Variants in ARFGEF2 observed in about 807,000 individuals in gnomAD.
The protein encoded by ARFGEF2 is brefeldin A-inhibited guanine nucleotide-exchange protein 2.
ARFGEF2 carries 74 observed loss-of-function variants against 219.9 expected under a neutral mutation model. The ratio of observed to expected loss-of-function variants is 0.34; its 90% CI spans 0.28 to 0.41. The LOEUF (loss-of-function observed/expected upper bound fraction) is 0.41. ARFGEF2 is among the 10% of genes least tolerant of loss of function. The probability of loss-of-function intolerance (pLI) is 1.00; values close to 1 mark genes in which losing one functional copy is unlikely to be tolerated. For missense variants in ARFGEF2, 1,743 were observed against 2,218.3 expected (o/e 0.79, Z 4.30); for synonymous variants, 733 against 799.2 (o/e 0.92, Z 1.40).
chr20:49,012,041 GGC>G lies in ARFGEF2; in HGVS notation c.3876_3877del (p.Leu1293HisfsTer10). 2 of 1,614,152 alleles carry G rather than the reference GGC, an allele frequency of 1.2e-6. No individual in the cohort carries two copies. Among genetic ancestry groups the G allele is most frequent in the Non-Finnish European group, 1.7e-6 (2 of 1,179,988 alleles). The stretch of plus-strand genomic sequence containing the variant: ...CCTGACACGAGCATGGAAGCGATTC[GGC>G]TCATCCGCTTCTGTGGCAAATACGT... On this transcript the variant is annotated frameshift_variant, in exon 28 of 39. Transcript: ENST00000371917. LOFTEE classifies it high-confidence loss of function.
intron 14 of ARFGEF2, among the ~76,000 whole-genome samples, chr20:48,983,078 G>A (rs376669475): frequency 2.0e-4 from 30 of 152,302 alleles, no homozygotes; most frequent in Admixed American, 1.4e-3. Flanking sequence ...CTTCTGCGTC[G>A]ATCACACTGG....
intron 31 of ARFGEF2, among the ~76,000 whole-genome samples, chr20:49,016,829 T>C (rs1462205135): frequency 6.6e-6 from 1 of 152,176 alleles, no homozygotes; most frequent in African/African-American, 2.4e-5. Context: ...TAATTTTGGC[T>C]TAGGGCAAGA....
intron 26 of ARFGEF2, among the ~76,000 whole-genome samples, chr20:49,006,957 G>A (rs2091464744): frequency 6.6e-6 from 1 of 151,908 alleles, no homozygotes; most frequent in Non-Finnish European, 1.5e-5. Context: ...TGGGATTACA[G>A]GCACGAGCTA....
intron 12 of ARFGEF2, among the ~76,000 whole-genome samples, chr20:48,974,311 C>T (rs2123424032): frequency 6.6e-6 from 1 of 151,858 alleles, no homozygotes; most frequent in East Asian, 1.9e-4. Context: ...GGGGTTTCAC[C>T]ATATTGTCCA....
rs1371839571 is a variant in ARFGEF2 at position 49,033,345 on chromosome 20, TC to T, written c.*148del. 1 of 822,410 alleles carries T rather than the reference TC, an allele frequency of 1.2e-6. No individual in the cohort carries two copies. Among genetic ancestry groups the T allele is most frequent in the Non-Finnish European group, 2.0e-6 (1 of 510,950 alleles). The allele number at this position is 822,410 out of a possible 1,614,324, so 50.9% of individuals were successfully genotyped here. A position where few individuals can be genotyped will look rare whatever the true frequency, so the allele number is the denominator to read the frequency against. ...TGGAAACGGATGGCCTCTACGCTGTTCCATCACAGTCTCCAACTAAGGCTTA... is the reference window on the plus strand; with the variant it reads ...TGGAAACGGATGGCCTCTACGCTGTTCATCACAGTCTCCAACTAAGGCTTA... On this transcript the variant is annotated 3_prime_UTR_variant, in exon 39 of 39. Coordinates refer to ENST00000371917, the MANE Select transcript of ARFGEF2 (RefSeq NM_006420.3).
intron 16 of ARFGEF2, among the ~76,000 whole-genome samples, chr20:48,987,949 A>G (rs776300473): frequency 7.2e-5 from 11 of 152,004 alleles, no homozygotes; most frequent in Non-Finnish European, 1.6e-4. Flanking sequence ...TGCCACGCCC[A>G]GCTAATTTTT....
At position 48,969,230 on chromosome 20, in the gene ARFGEF2, G is replaced by A. The variant is rs201608219; in HGVS notation, c.1143G>A (p.Leu381=). 4.3e-5 allele frequency: 70 copies of A among 1,614,086 alleles called. No homozygotes were observed. Among genetic ancestry groups the A allele is most frequent in the Non-Finnish European group, 5.1e-5 (60 of 1,180,040 alleles). Residue 381 remains leucine, a synonymous_variant, in exon 9 of 39, where the codon CTG becomes CTA. Coordinates refer to ENST00000371917, the MANE Select transcript of ARFGEF2 (RefSeq NM_006420.3). ...ATGCCTTCCTTGTGTTCCGCTCCCT[G>A]TGCAAGCTGTCCATGAAACCCCTTG... The part of the protein sequence containing the change: ...QKDAFLVFRS[L]CKLSMKPLGE...
Position 49,005,070 on chromosome 20 carries a change from G to A in ARFGEF2, c.3433G>A (p.Val1145Ile). 1 of 1,614,054 alleles carries A rather than the reference G, an allele frequency of 6.2e-7. No individual in the cohort carries two copies. The highest frequency in any genetic ancestry group is 1.1e-5 in the South Asian group (1 of 91,074). Residue 1145 changes from valine to isoleucine, a missense_variant and splice_region_variant, in exon 26 of 39, where the codon GTT (valine) becomes ATT (isoleucine). By Grantham distance (29) the Val-to-Ile change is conservative. Coordinates refer to ENST00000371917, the MANE Select transcript of ARFGEF2 (RefSeq NM_006420.3). ...CACATCAGTTCCTGTTCTTGTTCAG[G>A]TTGGCTGCAACCCTAATGAAGATGT... is the stretch of plus-strand genomic sequence containing the variant. ...WHVIGDHFNKVGCNPNEDVAI... is the reference protein window; with the variant it reads ...WHVIGDHFNKIGCNPNEDVAI...
intron 23 of ARFGEF2, among the ~76,000 whole-genome samples, chr20:48,996,345 C>T (rs895646142): frequency 2.0e-5 from 3 of 151,892 alleles, no homozygotes; most frequent in Non-Finnish European, 4.4e-5. Context: ...GTCCCAGCTA[C>T]TCTGGAGGCT....
At chr20:48,977,685 G>T (rs1272639290) in intron 14 of ARFGEF2, among the ~76,000 whole-genome samples, 1 of 152,156 alleles carries the variant, frequency 6.6e-6, no homozygotes, top group African/African-American at 2.4e-5. Context: ...GGTGTGAGAT[G>T]GTATCGCATT....
At chr20:48,922,222 A>G (rs1394553853) in intron 1 of ARFGEF2, among the ~76,000 whole-genome samples, 3 of 152,238 alleles carry the variant, frequency 2.0e-5, no homozygotes, top group Non-Finnish European at 4.4e-5. Context: ...GGTGACAACC[A>G]GAGCTTGTTC....
At chr20:48,974,313 T>A (rs1411326195) in intron 12 of ARFGEF2, among the ~76,000 whole-genome samples, 1 of 152,060 alleles carries the variant, frequency 6.6e-6, no homozygotes, top group East Asian at 1.9e-4. Context: ...GGTTTCACCA[T>A]ATTGTCCAGG....
chr20:48,986,704 A>G (rs1569750), intron 16 of ARFGEF2, among the ~76,000 whole-genome samples: 49,112 of 151,806 alleles, frequency 0.32, 8,399 homozygotes, highest in African/African-American at 0.45. Context: ...TGTTCAGTGG[A>G]AACTATTTTT....
In ARFGEF2 at chr20:49,010,223, T is replaced by G; in HGVS notation, c.3585-9T>G. ...TACAGACGATATGGCCGTCCCATTC[T>G]TTCCTCAGGTCTCCCACCATCCGGG... On this transcript the variant is annotated splice_polypyrimidine_tract_variant and intron_variant, in intron 26 of 38. Coordinates refer to ENST00000371917, the MANE Select transcript of ARFGEF2 (RefSeq NM_006420.3). 1 of 1,611,882 alleles carries G rather than the reference T, an allele frequency of 6.2e-7. No homozygotes were observed. The highest frequency in any genetic ancestry group is 1.1e-5 in the South Asian group (1 of 91,032).
At chr20:48,938,570 C>A (rs916550141) in intron 1 of ARFGEF2, among the ~76,000 whole-genome samples, 1 of 152,098 alleles carries the variant, frequency 6.6e-6, no homozygotes. Flanking sequence ...ATATTAGGAA[C>A]ATTTGAATTA....
intron 12 of ARFGEF2, among the ~76,000 whole-genome samples, chr20:48,973,584 C>T (rs2091241900): frequency 6.6e-6 from 1 of 152,056 alleles, no homozygotes; most frequent in Non-Finnish European, 1.5e-5. Context: ...GAGCTGAGAC[C>T]CATAGGAAGC....
intron 5 of ARFGEF2, 38 bp from the exon 6 acceptor site, chr20:48,953,518 T>A (rs769659873): frequency 6.3e-7 from 1 of 1,596,550 alleles, no homozygotes; most frequent in South Asian, 1.1e-5. Flanking sequence ...TTTTTCTTCC[T>A]TACCAAAATG....
rs149533122 is a variant in ARFGEF2 at position 49,006,023 on chromosome 20, C to T, written c.3584+802C>T. On this transcript the variant is annotated intron_variant, in intron 26 of 38. Transcript: ENST00000371917. ...TTAAAATCCTGTGTTTGGCCGGGCG[C>T]GGTGGCTCATGCCTGTAATCCCAAC... 3.6e-4 allele frequency among the ~76,000 whole-genome samples: 55 copies of T among 152,050 alleles called. No individual in the cohort carries two copies. In the East Asian group the frequency reaches 9.5e-3, roughly 26 times the overall value.
intron 28 of ARFGEF2, among the ~76,000 whole-genome samples, chr20:49,012,995 A>G (rs1268441643): frequency 1.3e-5 from 2 of 152,184 alleles, no homozygotes; most frequent in Non-Finnish European, 2.9e-5. Flanking sequence ...AGACTGTAGA[A>G]AGACTGCCAG....
Sources: allele counts gnomAD v4.1 joint callset (sites outside exome capture counted in the v4.1 genomes callset), GRCh38; gene constraint gnomAD v4.1.1; transcripts MANE v1.5; gene names NCBI Gene and HGNC (gene_info 2026-07-23, HGNC 2026-07-21).